KLHL29: variants seen among roughly 807,000 people sequenced by gnomAD.
KLHL29 encodes the protein kelch-like protein 29.
In KLHL29, 21 loss-of-function variants were observed where a neutral mutation model predicts 80.4. The ratio of observed to expected loss-of-function variants is 0.26; its 90% CI spans 0.19 to 0.38. KLHL29 has a LOEUF of 0.38. Among genes scored for constraint, KLHL29 ranks in the 10% least tolerant of loss-of-function variants. The pLI, the probability that KLHL29 is intolerant of heterozygous loss-of-function variation, is 1.00. For missense variants in KLHL29, 867 were observed against 1,223.9 expected (o/e 0.71, Z 4.35); for synonymous variants, 511 against 526.8 (o/e 0.97, Z 0.41).
chr2:23,551,009 A>T (rs1667108959), intron 2 of KLHL29, among the ~76,000 whole-genome samples: 1 of 152,234 alleles, frequency 6.6e-6, no homozygotes, highest in South Asian at 2.1e-4. Flanking sequence ...ACGGGGCTGG[A>T]GTTTTCAGTG....
intron 1 of KLHL29, among the ~76,000 whole-genome samples, chr2:23,390,516 G>GTATA (rs138314045): frequency 1.5e-4 from 23 of 151,560 alleles, no homozygotes; most frequent in South Asian, 2.1e-4. Flanking sequence ...ATATGTATGT[G>GTATA]TATATATATA....
chr2:23,634,190 C>T (rs1245799838), intron 3 of KLHL29, among the ~76,000 whole-genome samples: 1 of 152,190 alleles, frequency 6.6e-6, no homozygotes, highest in Non-Finnish European at 1.5e-5. Context: ...GGCAGCCCCG[C>T]CAGCCCTGTC....
chr2:23,468,154 A>G (rs1418351615), intron 1 of KLHL29, among the ~76,000 whole-genome samples: 1 of 152,096 alleles, frequency 6.6e-6, no homozygotes, highest in Admixed American at 6.5e-5. Context: ...TGTATAGAAG[A>G]GGAGCTTGAG....
intron 5 of KLHL29, among the ~76,000 whole-genome samples, chr2:23,656,885 C>T (rs1305845943): frequency 2.1e-5 from 3 of 145,906 alleles, no homozygotes; most frequent in African/African-American, 7.6e-5. Flanking sequence ...GGTGTTTCAT[C>T]GGTTTGGAAC....
chr2:23,586,520 C>T (rs1572418808), intron 3 of KLHL29, among the ~76,000 whole-genome samples: 1 of 151,890 alleles, frequency 6.6e-6, no homozygotes, highest in African/African-American at 2.4e-5. Context: ...CCACCATGCC[C>T]GGCTAATTTT....
chr2:23,511,797 G>A (rs1665780371), intron 2 of KLHL29, among the ~76,000 whole-genome samples: 1 of 152,116 alleles, frequency 6.6e-6, no homozygotes, highest in African/African-American at 2.4e-5. Context: ...TGGCTGCAGT[G>A]ACTTTATCTC....
chr2:23,399,664 C>T (rs913075410), intron 1 of KLHL29, among the ~76,000 whole-genome samples: 36 of 152,170 alleles, frequency 2.4e-4, no homozygotes, highest in African/African-American at 8.7e-4. Context: ...AATTGTGAAC[C>T]TGTGTAACTG....
chr2:23,478,782 G>A (rs976313643), intron 2 of KLHL29, among the ~76,000 whole-genome samples: 6 of 152,142 alleles, frequency 3.9e-5, no homozygotes, highest in Non-Finnish European at 7.4e-5. Context: ...TGTCCAGGCC[G>A]TTTGTCCCCC....
intron 11 of KLHL29, among the ~76,000 whole-genome samples, chr2:23,701,550 G>C (rs964298757): frequency 6.6e-6 from 1 of 151,942 alleles, no homozygotes; most frequent in African/African-American, 2.4e-5. Context: ...TCATCTCTAC[G>C]ACAAATCAAA....
At chr2:23,701,897 T>G (rs974423542) in intron 11 of KLHL29, among the ~76,000 whole-genome samples, 39 of 146,694 alleles carry the variant, frequency 2.7e-4, no homozygotes, top group African/African-American at 9.8e-4. Context: ...GCCTCCCAGG[T>G]TCAAGCAGTT....
At chr2:23,580,372 A>G (rs1667951001) in intron 3 of KLHL29, among the ~76,000 whole-genome samples, 1 of 135,978 alleles carries the variant, frequency 7.4e-6, no homozygotes, top group African/African-American at 2.8e-5. Context: ...ACTCTGTCTC[A>G]TAAAAAAGAT....
chr2:23,660,556 CAA>C (rs965756906), intron 5 of KLHL29, among the ~76,000 whole-genome samples: 9 of 152,216 alleles, frequency 5.9e-5, no homozygotes, highest in Admixed American at 3.3e-4. Context: ...TCTGTCCCAA[CAA>C]GAGTTGGTTC....
rs1667480488 is a variant in KLHL29, at chr2:23,562,636, T to G, written c.285+155T>G. On this transcript the variant is annotated intron_variant, in intron 3 of 13. Transcript: ENST00000486442. The surrounding 1 kb of genome is among the most constrained non-coding windows in gnomAD (Gnocchi z 4.5). ...CCTTCCAGGACCTGGGCCTGGAAACTGTTTGCGAGCATTCATGCGGGTTTT... is the reference window on the plus strand; with the variant it reads ...CCTTCCAGGACCTGGGCCTGGAAACGGTTTGCGAGCATTCATGCGGGTTTT... Among the ~76,000 whole-genome samples, 12 of 152,166 alleles carry G rather than the reference T, an allele frequency of 7.9e-5. No homozygotes were observed.
chr2:23,573,667 G>T (rs145941926), intron 3 of KLHL29, among the ~76,000 whole-genome samples: 9 of 152,334 alleles, frequency 5.9e-5, no homozygotes, highest in African/African-American at 1.9e-4. Context: ...TACAAGGATC[G>T]CATGGTCCAG....
At chr2:23,445,076 A>C (rs1663634099) in intron 1 of KLHL29, among the ~76,000 whole-genome samples, 1 of 152,224 alleles carries the variant, frequency 6.6e-6, no homozygotes, top group African/African-American at 2.4e-5. Context: ...TGTTGAATGA[A>C]ATGATATTAT....
rs565675019 is a variant in KLHL29 at position 23,528,752 on chromosome 2, G to A, written c.-45-33400G>A. 4.2e-3 allele frequency among the ~76,000 whole-genome samples: 644 copies of A among 152,282 alleles called. 9 individuals are homozygous for A. The highest frequency in any genetic ancestry group is 0.015 in the African/African-American group (621 of 41,538). On this transcript the variant is annotated intron_variant, in intron 2 of 13. Coordinates refer to ENST00000486442, the MANE Select transcript of KLHL29 (RefSeq NM_052920.2). ...CTTCCTAGATCCATATTACCCTTTG[G>A]ACACACGTATTTACTTTTTTAAAGA...
chr2:23,581,767 G>A (rs1249922033), intron 3 of KLHL29, among the ~76,000 whole-genome samples: 1 of 138,976 alleles, frequency 7.2e-6, no homozygotes, highest in Non-Finnish European at 1.5e-5. Flanking sequence ...GGTGGAGGTT[G>A]CAGTGAGCCA....
chr2:23,644,336 C>CT (rs1394635710), intron 5 of KLHL29: 2 of 152,006 alleles, frequency 1.3e-5, no homozygotes, highest in Admixed American at 1.3e-4. Context: ...CCAACTCTGA[C>CT]AACTGGGCAG....
intron 3 of KLHL29, among the ~76,000 whole-genome samples, chr2:23,614,568 G>A (rs114117882): frequency 0.015 from 2,295 of 152,254 alleles, 53 homozygotes; most frequent in African/African-American, 0.052. Flanking sequence ...ACATGACAAC[G>A]GCTTAGAGAA....
Sources: gnomAD v4.1 joint callset for allele counts (sites outside exome capture counted in the v4.1 genomes callset) on GRCh38, gnomAD v4.1.1 for gene constraint, Gnocchi (gnomAD v3.1) non-coding constraint, MANE v1.5 for transcripts, NCBI Gene and HGNC (gene_info 2026-07-23, HGNC 2026-07-21) for gene names.